Variants in ZNF777 observed in about 807,000 individuals in gnomAD.
The protein encoded by ZNF777 is zinc finger protein 777.
ZNF777 carries 7 observed loss-of-function variants against 72.1 expected under a neutral mutation model. That is an observed-to-expected ratio of 0.10 (90% CI 0.06 to 0.18). The LOEUF is 0.18. Among genes scored for constraint, ZNF777 ranks in the 10% least tolerant of loss-of-function variants. The probability of loss-of-function intolerance (pLI) is 1.00; values close to 1 mark genes in which losing one functional copy is unlikely to be tolerated. For synonymous variants in ZNF777, 545 were observed against 483.5 expected (o/e 1.13, Z -1.67); for missense variants, 828 against 1,128.6 (o/e 0.73, Z 3.82).
chr7:149,431,582 C>T lies in ZNF777; in HGVS notation c.*194G>A, dbSNP rs1272925319. ...TCCGCGCCCTCCCCCCTGGGGCCCCCGGGGAAACGCGGCAGCAAGGGACCT... is the reference window on the plus strand; with the variant it reads ...TCCGCGCCCTCCCCCCTGGGGCCCCTGGGGAAACGCGGCAGCAAGGGACCT... On this transcript the variant is annotated 3_prime_UTR_variant, in exon 6 of 6. Coordinates refer to ENST00000247930, the MANE Select transcript of ZNF777 (RefSeq NM_015694.3). The T allele has an allele frequency of 8.6e-6, 5 of 584,460 alleles. No homozygotes were observed. Among genetic ancestry groups the T allele is most frequent in the African/African-American group, 5.8e-5 (3 of 51,284 alleles). 36.2% of individuals were successfully genotyped at this position (584,460 alleles called of 1,614,324 possible).
chr7:149,460,376 T>C lies in ZNF777; in HGVS notation c.-16+439A>G, dbSNP rs192050169. 1.4e-5 allele frequency among the ~76,000 whole-genome samples: 2 copies of C among 145,320 alleles called. No individual in the cohort carries two copies. Among genetic ancestry groups the C allele is most frequent in the African/African-American group, 4.9e-5 (2 of 40,540 alleles). On this transcript the variant is annotated intron_variant, in intron 1 of 5. Coordinates refer to ENST00000247930, the MANE Select transcript of ZNF777 (RefSeq NM_015694.3). This position sits in a 1 kb window ranked among gnomAD's most constrained non-coding sequence, Gnocchi z 6.1. ...GGAGCCCGAGCGGCGGCGTCGGAGC[T>C]GGGCGCGCGGCTGTGCGGGCGGCCC...
Position 149,455,789 on chromosome 7 carries a change from T to C in ZNF777, c.234A>G (p.Gly78=). The C allele has an allele frequency of 1.2e-6, 2 of 1,610,322 alleles. No homozygotes were observed. Among genetic ancestry groups the C allele is most frequent in the African/African-American group, 2.7e-5 (2 of 74,774 alleles). ...AAGCGGCAGAACACAGGAGTGAGGG[T>C]CCCTTCTGGAGCACATGTGGCATCC... is the stretch of plus-strand genomic sequence containing the variant. ...SGRMPHVLQK[G]PSLLCSAASE... Residue 78 remains glycine (G), a synonymous_variant, in exon 2 of 6, where the codon GGA becomes GGG. Transcript: ENST00000247930. This position sits in a 1 kb window ranked among gnomAD's most constrained non-coding sequence, Gnocchi z 4.2.
intron 4 of ZNF777, among the ~76,000 whole-genome samples, chr7:149,438,038 C>G (rs891076140): frequency 1.3e-5 from 2 of 152,010 alleles, no homozygotes; most frequent in Non-Finnish European, 2.9e-5. Context: ...CGCCACCACA[C>G]CCGGCTAATT....
Position 149,460,189 on chromosome 7 carries a change from T to A in ZNF777, c.-16+626A>T. ...CCCGGGCCCCCGGAGTCGCCGCCGC[T>A]ACTGCCGCCGCCGCTACTGCGCGCG... On this transcript the variant is annotated intron_variant, in intron 1 of 5. Coordinates refer to ENST00000247930, the MANE Select transcript of ZNF777 (RefSeq NM_015694.3). The surrounding 1 kb of genome is among the most constrained non-coding windows in gnomAD (Gnocchi z 6.1). The A allele has an allele frequency of 2.6e-6, 2 of 773,896 alleles. No homozygotes were observed. The highest frequency in any genetic ancestry group is 3.1e-6 in the Non-Finnish European group (2 of 639,664). 47.9% of individuals were successfully genotyped at this position (773,896 alleles called of 1,614,324 possible). A position where few individuals can be genotyped will look rare whatever the true frequency, so the allele number is the denominator to read the frequency against.
At chr7:149,453,982 T>G in intron 3 of ZNF777, 129 bp downstream of exon 3, 3 of 1,384,242 alleles carry the variant, frequency 2.2e-6, no homozygotes, top group South Asian at 1.4e-5. Flanking sequence ...TAATTTGTTG[T>G]GATCTCTACA....
In ZNF777 at chr7:149,432,395, G is replaced by A; in HGVS notation, c.1877C>T (p.Ser626Phe). 1.2e-6 allele frequency: 2 copies of A among 1,613,516 alleles called. No individual in the cohort carries two copies. The highest frequency in any genetic ancestry group is 1.7e-5 in the Admixed American group (1 of 60,034). ...ALKPRPKSPS[S>F]GSGGGGPKPY... ...CTTAGGGCCACCGCCGCCGCTACCA[G>A]AGCTGGGTGACTTGGGACGCGGCTT... Residue 626 changes from serine (S) to phenylalanine (F), a missense_variant, in exon 6 of 6, where the codon TCT becomes TTT. Ser to Phe is a radical substitution (Grantham distance 155). This residue lies in a region of ZNF777 where 100 missense variants were observed against 106.2 expected (regional missense o/e 0.94). Transcript: ENST00000247930.
At position 149,460,130 on chromosome 7, in the gene ZNF777, G is replaced by A; in HGVS notation, c.-16+685C>T. Reference sequence around the variant, plus strand: ...CGCGCGGGCCGCCCTCACAGGAGCCGGGGCCGCCTCGGCCATGGCCCTGCG... The same window carrying A: ...CGCGCGGGCCGCCCTCACAGGAGCCAGGGCCGCCTCGGCCATGGCCCTGCG... On this transcript the variant is annotated intron_variant, in intron 1 of 5. Coordinates refer to ENST00000247930, the MANE Select transcript of ZNF777 (RefSeq NM_015694.3). The surrounding 1 kb of genome is among the most constrained non-coding windows in gnomAD (Gnocchi z 6.1). The A allele has an allele frequency of 1.0e-6, 1 of 980,820 alleles. No homozygotes were observed. The highest frequency in any genetic ancestry group is 1.8e-5 in the African/African-American group (1 of 56,862). The allele number at this position is 980,820 out of a possible 1,614,324, so 60.8% of individuals were successfully genotyped here.
intron 4 of ZNF777, among the ~76,000 whole-genome samples, chr7:149,438,602 CAATA>C (rs926944456): frequency 6.6e-6 from 1 of 152,078 alleles, no homozygotes; most frequent in Admixed American, 6.6e-5. Context: ...GTGGTAGACA[CAATA>C]AATAAATTAC....
At chr7:149,452,884 G>A (rs928351798) in intron 3 of ZNF777, among the ~76,000 whole-genome samples, 1 of 152,192 alleles carries the variant, frequency 6.6e-6, no homozygotes, top group African/African-American at 2.4e-5. Flanking sequence ...GTAACACACA[G>A]AAGTGCACAA....
At chr7:149,450,693 C>G (rs1799696562) in intron 4 of ZNF777, among the ~76,000 whole-genome samples, 1 of 152,218 alleles carries the variant, frequency 6.6e-6, no homozygotes, top group African/African-American at 2.4e-5. Flanking sequence ...ATTTTAAGCA[C>G]TAATGACTGC....
intron 3 of ZNF777, among the ~76,000 whole-genome samples, chr7:149,451,842 C>T (rs1051229454): frequency 6.6e-6 from 1 of 152,078 alleles, no homozygotes; most frequent in Non-Finnish European, 1.5e-5. Flanking sequence ...CATATATATA[C>T]ATGTTTGACA....
intron 3 of ZNF777, among the ~76,000 whole-genome samples, chr7:149,452,474 C>T (rs1449569122): frequency 6.8e-6 from 1 of 147,742 alleles, no homozygotes; most frequent in Non-Finnish European, 1.5e-5. Context: ...ACTAAAAATA[C>T]AAAAAAAAAT....
In ZNF777 at chr7:149,436,468, C is replaced by T; in HGVS notation, c.1339+107G>A. 2.2e-6 allele frequency: 3 copies of T among 1,334,948 alleles called. No individual in the cohort carries two copies. The highest frequency in any genetic ancestry group is 1.4e-5 in the South Asian group (1 of 70,274). 82.7% of individuals were successfully genotyped at this position (1,334,948 alleles called of 1,614,324 possible). ...AATTCTTTCCCACCTGTTGCCCCAT[C>T]AGTGTCCAGCTACCTCTCTGAAGGA... On this transcript the variant is annotated intron_variant, in intron 5 of 5. Transcript: ENST00000247930. This position sits in a 1 kb window ranked among gnomAD's most constrained non-coding sequence, Gnocchi z 5.0.
intron 4 of ZNF777, among the ~76,000 whole-genome samples, chr7:149,448,503 ATATATAT>A (rs1799647634): frequency 1.5e-5 from 2 of 133,476 alleles, no homozygotes; most frequent in East Asian, 2.2e-4. Context: ...ATATATATAT[ATATATAT>A]AACTATATAT....
intron 4 of ZNF777, among the ~76,000 whole-genome samples, chr7:149,449,086 C>T (rs867384731): frequency 3.5e-4 from 53 of 152,214 alleles, no homozygotes; most frequent in African/African-American, 9.2e-4. Context: ...GGACAGGTTA[C>T]CACTGGAGTG....
At chr7:149,446,727 T>C (rs1217597944) in intron 4 of ZNF777, among the ~76,000 whole-genome samples, 1 of 151,968 alleles carries the variant, frequency 6.6e-6, no homozygotes, top group Non-Finnish European at 1.5e-5. Flanking sequence ...CTGTCCCATA[T>C]TTCCACTCCC....
intron 4 of ZNF777, among the ~76,000 whole-genome samples, 181 bp downstream of exon 4, chr7:149,450,818 A>T (rs1757888260): frequency 6.6e-6 from 1 of 152,200 alleles, no homozygotes; most frequent in African/African-American, 2.4e-5. Flanking sequence ...CATTCCCATT[A>T]ATCAACAAGT....
chr7:149,454,541 C>T (rs928044142), intron 2 of ZNF777, among the ~76,000 whole-genome samples: 1 of 152,168 alleles, frequency 6.6e-6, no homozygotes, highest in African/African-American at 2.4e-5. Flanking sequence ...AGTAAGATCC[C>T]GGGGAGATCC....
rs1439946874 is a variant in ZNF777 at position 149,436,676 on chromosome 7, A to G, written c.1238T>C (p.Leu413Pro). Residue 413 changes from leucine to proline, a missense_variant, in exon 5 of 6, where the codon CTG becomes CCG. By Grantham distance (98) the Leu-to-Pro change is moderately conservative (BLOSUM62 -3). Transcript: ENST00000247930. The surrounding 1 kb of genome is among the most constrained non-coding windows in gnomAD (Gnocchi z 5.0). The stretch of plus-strand genomic sequence containing the variant: ...CGTGTTCTCTGGCTCCTGCATGTCC[A>G]GGTCTGGCTGTTCCCCACAGGGGTC... ...LGDPCGEQPD[L>P]DMQEPENTLE... is the part of the protein sequence containing the mutation. 6.2e-7 allele frequency: 1 copy of G among 1,613,992 alleles called. No homozygotes were observed. The highest frequency in any genetic ancestry group is 2.2e-5 in the East Asian group (1 of 44,892).
Sources: allele counts gnomAD v4.1 joint callset (sites outside exome capture counted in the v4.1 genomes callset), GRCh38; gene constraint gnomAD v4.1.1; regional missense constraint gnomAD v4.1.1; non-coding constraint Gnocchi (gnomAD v3.1); transcripts MANE v1.5; gene names NCBI Gene and HGNC (gene_info 2026-07-23, HGNC 2026-07-21).